The following TNNI3K variants were observed in gnomAD, a reference collection of about 807,000 sequenced individuals.
The protein encoded by TNNI3K is TNNI3 interacting kinase, also known as serine/threonine-protein kinase TNNI3K.
TNNI3K carries 140 observed loss-of-function variants against 114.5 expected under a neutral mutation model. The ratio of observed to expected loss-of-function variants is 1.22; its 90% CI spans 1.07 to 1.41. The LOEUF is 1.41. Among genes scored for constraint, TNNI3K ranks in the 40% most tolerant of loss-of-function variants. TNNI3K has a pLI of 0.00. For synonymous variants in TNNI3K, 347 were observed against 347.5 expected (o/e 1.00, Z 0.02); for missense variants, 1,125 against 1,007.6 (o/e 1.12, Z -1.58).
intron 5 of TNNI3K, among the ~76,000 whole-genome samples, chr1:74,290,490 T>C (rs1657611272): frequency 6.6e-6 from 1 of 151,756 alleles, no homozygotes; most frequent in Admixed American, 6.6e-5. Flanking sequence ...TTGAATTGCA[T>C]GGGTGTTCAT....
intron 5 of TNNI3K, among the ~76,000 whole-genome samples, chr1:74,277,261 G>A (rs138592710): frequency 1.3e-5 from 2 of 152,128 alleles, no homozygotes; most frequent in Non-Finnish European, 2.9e-5. Flanking sequence ...ATCTACATGG[G>A]CATTCAGATG....
intron 20 of TNNI3K, among the ~76,000 whole-genome samples, chr1:74,449,556 G>A (rs1165929034): frequency 6.6e-6 from 1 of 151,918 alleles, no homozygotes; most frequent in Non-Finnish European, 1.5e-5. Context: ...AAGGATGGAG[G>A]AAGATCTACC....
At chr1:74,323,979 G>A (rs1310048714) in intron 5 of TNNI3K, among the ~76,000 whole-genome samples, 1 of 152,150 alleles carries the variant, frequency 6.6e-6, no homozygotes, top group Non-Finnish European at 1.5e-5. Context: ...GCAATCTAAG[G>A]GAGAATAAAA....
intron 11 of TNNI3K, among the ~76,000 whole-genome samples, chr1:74,361,857 G>A (rs924711772): frequency 6.6e-6 from 1 of 151,974 alleles, no homozygotes; most frequent in Non-Finnish European, 1.5e-5. Context: ...AAGAGAAAAA[G>A]GAAGGATAGC....
intron 23 of TNNI3K, among the ~76,000 whole-genome samples, chr1:74,522,163 A>T (rs1646442164): frequency 6.6e-6 from 1 of 152,190 alleles, no homozygotes; most frequent in Non-Finnish European, 1.5e-5. Flanking sequence ...TTAATATAGC[A>T]GGTGAAGCAT....
chr1:74,359,186 T>C (rs1306580375), intron 11 of TNNI3K, among the ~76,000 whole-genome samples: 1 of 151,950 alleles, frequency 6.6e-6, no homozygotes, highest in Non-Finnish European at 1.5e-5. Context: ...GCCTTTAACC[T>C]CTTTCAGCAT....
intron 5 of TNNI3K, among the ~76,000 whole-genome samples, chr1:74,298,888 G>A (rs1314024689): frequency 6.6e-6 from 1 of 152,050 alleles, no homozygotes; most frequent in Non-Finnish European, 1.5e-5. Flanking sequence ...TCTTCTAAAA[G>A]TGCCATAAAT....
chr1:74,505,949 C>T (rs185536942), intron 23 of TNNI3K, among the ~76,000 whole-genome samples: 15 of 152,188 alleles, frequency 9.9e-5, no homozygotes, highest in Admixed American at 3.9e-4. Context: ...TGTTTGCCAC[C>T]CTGACTTCTC....
At chr1:74,450,399 T>A (rs551243219) in intron 20 of TNNI3K, among the ~76,000 whole-genome samples, 2 of 151,736 alleles carry the variant, frequency 1.3e-5, no homozygotes, top group East Asian at 3.9e-4. Context: ...AAGAAATAAC[T>A]AAAATCAGAG....
intron 4 of TNNI3K, among the ~76,000 whole-genome samples, chr1:74,262,709 G>C (rs1037113788): frequency 2.6e-5 from 4 of 152,018 alleles, no homozygotes; most frequent in African/African-American, 7.2e-5. Flanking sequence ...TTTATATGCA[G>C]ATTTCCCTTT....
chr1:74,250,847 T>A lies in TNNI3K; in HGVS notation c.333+78T>A. On this transcript the variant is annotated intron_variant, in intron 4 of 24. Transcript: ENST00000326637. ...ATCTTTAGGCTTTTTTTTTTTTTTT[T>A]CAAATTAGTAATCATGGAAAATTTT... 8 of 1,257,478 alleles carry A rather than the reference T, an allele frequency of 6.4e-6. No homozygotes were observed. In the South Asian group the frequency reaches 1.4e-4, roughly 22 times the overall value. The allele number at this position is 1,257,478 out of a possible 1,614,324, so 77.9% of individuals were successfully genotyped here.
chr1:74,338,350 T>C (rs1660584967), intron 7 of TNNI3K, among the ~76,000 whole-genome samples: 1 of 152,080 alleles, frequency 6.6e-6, no homozygotes, highest in Non-Finnish European at 1.5e-5. Context: ...TCATTTTTAT[T>C]TTCTTAATTA....
chr1:74,328,421 T>G (rs1660028636), intron 5 of TNNI3K, among the ~76,000 whole-genome samples: 1 of 152,096 alleles, frequency 6.6e-6, no homozygotes, highest in Admixed American at 6.5e-5. Context: ...TGACGGACAA[T>G]ATACCATATT....
intron 17 of TNNI3K, among the ~76,000 whole-genome samples, chr1:74,395,219 C>A (rs1664016527): frequency 6.6e-6 from 1 of 152,026 alleles, no homozygotes. Context: ...GCATCAGACA[C>A]CTGATCTTGC....
intron 23 of TNNI3K, among the ~76,000 whole-genome samples, chr1:74,493,125 T>C (rs1385547173): frequency 6.6e-6 from 1 of 152,108 alleles, no homozygotes; most frequent in African/African-American, 2.4e-5. Context: ...ACATATGAAT[T>C]TGAGGAGGGT....
intron 20 of TNNI3K, among the ~76,000 whole-genome samples, chr1:74,447,345 C>A (rs1299610163): frequency 6.7e-6 from 1 of 150,034 alleles, no homozygotes; most frequent in African/African-American, 2.5e-5. Context: ...CTCTGTTTGT[C>A]TGTTGTTGGT....
At chr1:74,522,859 T>C (rs1646452826) in intron 23 of TNNI3K, among the ~76,000 whole-genome samples, 1 of 152,226 alleles carries the variant, frequency 6.6e-6, no homozygotes, top group Admixed American at 6.5e-5. Flanking sequence ...AAGATTAAAC[T>C]GTGAACACAT....
intron 5 of TNNI3K, among the ~76,000 whole-genome samples, chr1:74,286,837 A>C (rs1454173334): frequency 6.6e-6 from 1 of 152,098 alleles, no homozygotes. Context: ...GATCACAAAT[A>C]ATTAGGGAAA....
At chr1:74,238,266 A>G (rs1653980846) in intron 2 of TNNI3K, among the ~76,000 whole-genome samples, 1 of 152,034 alleles carries the variant, frequency 6.6e-6, no homozygotes, top group Non-Finnish European at 1.5e-5. Context: ...AGCTTCTTCT[A>G]TTTATAAGCT....
Sources: allele counts gnomAD v4.1 joint callset (sites outside exome capture counted in the v4.1 genomes callset), GRCh38; gene constraint gnomAD v4.1.1; transcripts MANE v1.5; gene names NCBI Gene and HGNC (gene_info 2026-07-23, HGNC 2026-07-21).